The following ABL1 variants were observed in gnomAD, a reference collection of about 807,000 sequenced individuals.
The protein encoded by ABL1 is ABL proto-oncogene 1, non-receptor tyrosine kinase.
ABL1 carries 11 observed loss-of-function variants against 94.7 expected under a neutral mutation model. The observed-to-expected ratio is 0.12, with a 90% CI of 0.07 to 0.19. The LOEUF is 0.19. Ranked by LOEUF, ABL1 falls within the 10% of genes least tolerant of loss-of-function variation. The pLI is 1.00. For missense variants in ABL1, 1,082 were observed against 1,489.4 expected (o/e 0.73, Z 4.50); for synonymous variants, 656 against 622.4 (o/e 1.05, Z -0.80).
chr9:130,773,211 C>T (rs1391693536), intron 1 of ABL1, among the ~76,000 whole-genome samples: 1 of 151,992 alleles, frequency 6.6e-6, no homozygotes, highest in Admixed American at 6.6e-5. Context: ...TCCTGCTACT[C>T]GGGAGGCTGA....
chr9:130,821,416 T>TC (rs1447871005), intron 1 of ABL1, among the ~76,000 whole-genome samples: 1 of 152,208 alleles, frequency 6.6e-6, no homozygotes, highest in Non-Finnish European at 1.5e-5. Context: ...CTGTTTTTTT[T>TC]CCCAGCATGT....
Position 130,885,895 on chromosome 9 carries a change from C to T in ABL1, c.*212C>T, listed in dbSNP as rs1831574132. The T allele has an allele frequency of 1.6e-6, 1 of 617,302 alleles. No homozygotes were observed. Among genetic ancestry groups the T allele is most frequent in the Non-Finnish European group, 2.7e-6 (1 of 367,410 alleles). The allele number at this position is 617,302 out of a possible 1,614,324, so 38.2% of individuals were successfully genotyped here. The stretch of plus-strand genomic sequence containing the variant: ...TCCCGCACCTTCCTCCTCCCCGCTC[C>T]GTCTCTGTCCTCGAATTTTATCTGT... On this transcript the variant is annotated 3_prime_UTR_variant, in exon 11 of 11. Transcript: ENST00000318560.
intron 1 of ABL1, among the ~76,000 whole-genome samples, chr9:130,783,323 C>T (rs927229589): frequency 3.3e-5 from 5 of 152,134 alleles, no homozygotes; most frequent in Non-Finnish European, 7.3e-5. Context: ...GAGATGGAGG[C>T]TGTGATTGTT....
chr9:130,871,869 A>G (rs1199198829), intron 4 of ABL1, among the ~76,000 whole-genome samples: 1 of 152,246 alleles, frequency 6.6e-6, no homozygotes, highest in East Asian at 1.9e-4. Context: ...CACCAGAAGC[A>G]GGTTGTCGGC....
At chr9:130,735,741 A>G (rs989407277) in intron 1 of ABL1, among the ~76,000 whole-genome samples, 2 of 151,548 alleles carry the variant, frequency 1.3e-5, no homozygotes. Context: ...GTCTTTAGAT[A>G]TGATAAACAG....
At chr9:130,736,559 C>T (rs867488341) in intron 1 of ABL1, among the ~76,000 whole-genome samples, 3 of 151,238 alleles carry the variant, frequency 2.0e-5, no homozygotes, top group Non-Finnish European at 4.4e-5. Flanking sequence ...AGTGTGATCT[C>T]GGCCCCACCG....
chr9:130,837,703 G>A (rs1265348213), intron 1 of ABL1, among the ~76,000 whole-genome samples: 1 of 152,132 alleles, frequency 6.6e-6, no homozygotes, highest in Non-Finnish European at 1.5e-5. Context: ...TTTGTAGTTG[G>A]TAGACTTTAA....
At position 130,886,668 on chromosome 9, in the gene ABL1, C is replaced by T; in HGVS notation, c.*985C>T. ...TCTGGGTGCCCTGAAAGGGCCCTTC[C>T]CCTCCCCCACTCCTCTAAGACAAAG... is the stretch of plus-strand genomic sequence containing the variant. On this transcript the variant is annotated 3_prime_UTR_variant, in exon 11 of 11. Transcript: ENST00000318560. 1 of 233,728 alleles carries T rather than the reference C, an allele frequency of 4.3e-6. No individual in the cohort carries two copies. The highest frequency in any genetic ancestry group is 1.8e-4 in the South Asian group (1 of 5,532). The allele number at this position is 233,728 out of a possible 1,614,324, so 14.5% of individuals were successfully genotyped here. A position where few individuals can be genotyped will look rare whatever the true frequency, so the allele number is the denominator to read the frequency against.
chr9:130,720,828 G>A (rs1039833760), intron 1 of ABL1, among the ~76,000 whole-genome samples: 1 of 152,000 alleles, frequency 6.6e-6, no homozygotes, highest in Non-Finnish European at 1.5e-5. Flanking sequence ...ATTTGCTCTC[G>A]GATTAGATGT....
rs976848009 is a variant in ABL1, at chr9:130,877,560, A to C, written c.1271-855A>C. Among the ~76,000 whole-genome samples, 4 of 147,496 alleles carry C rather than the reference A, an allele frequency of 2.7e-5. 1 individual carries two copies. In the East Asian group the frequency reaches 7.7e-4, roughly 28 times the overall value. On this transcript the variant is annotated intron_variant, in intron 7 of 10. Transcript: ENST00000318560. ...GGTCACATTACCTAAAAGACCCCAC[A>C]GGGTCTGAAACTCATCATCTGCCCT...
chr9:130,827,909 A>ATAAAT, intron 1 of ABL1, among the ~76,000 whole-genome samples: 1 of 146,122 alleles, frequency 6.8e-6, no homozygotes. Context: ...TAATAAATAA[A>ATAAAT]TAAATAAATA....
At chr9:130,713,684 G>C (rs905915780) in exon 1 of ABL1, among the ~76,000 whole-genome samples, 3 of 152,242 alleles carry the variant, frequency 2.0e-5, no homozygotes, top group African/African-American at 4.8e-5. Context: ...CAAAGGAAAA[G>C]TCTGGATTGG....
intron 1 of ABL1, among the ~76,000 whole-genome samples, chr9:130,744,798 A>G (rs1831864978): frequency 6.8e-6 from 1 of 147,336 alleles, no homozygotes. Context: ...CGGAGCTTGC[A>G]GTGAGCCAAG....
chr9:130,751,640 A>G (rs1420199556), intron 1 of ABL1, among the ~76,000 whole-genome samples: 2 of 151,480 alleles, frequency 1.3e-5, no homozygotes, highest in African/African-American at 2.4e-5. Context: ...ATCTGCCACA[A>G]TCAAAGCCTT....
intron 1 of ABL1, among the ~76,000 whole-genome samples, chr9:130,778,852 A>G (rs928135395): frequency 6.6e-6 from 1 of 151,964 alleles, no homozygotes; most frequent in Non-Finnish European, 1.5e-5. Flanking sequence ...TTCCTGTGAT[A>G]TTATGGATTC....
At chr9:130,749,905 G>C (rs1022344106) in intron 1 of ABL1, among the ~76,000 whole-genome samples, 1 of 152,086 alleles carries the variant, frequency 6.6e-6, no homozygotes, top group African/African-American at 2.4e-5. Context: ...CGGGCACAGT[G>C]GCTCACACCT....
At position 130,739,204 on chromosome 9, in the gene ABL1, CT is replaced by C. The variant is rs1831784002; in HGVS notation, c.136+24754del. On this transcript the variant is annotated intron_variant, in intron 1 of 10. Transcript: ENST00000372348. ...ACACTGTGCCTGGCCCGATATGTGTCTTTTTAGGCAAGCAGTGCTTATGTTG... is the reference window on the plus strand; with the variant it reads ...ACACTGTGCCTGGCCCGATATGTGTCTTTTAGGCAAGCAGTGCTTATGTTG... Among the ~76,000 whole-genome samples the C allele has an allele frequency of 3.3e-5, 5 of 152,214 alleles. No homozygotes were observed. The South Asian group carries it at 1.0e-3, about 32-fold the overall frequency.
At chr9:130,737,879 G>A (rs894805561) in intron 1 of ABL1, among the ~76,000 whole-genome samples, 8 of 148,550 alleles carry the variant, frequency 5.4e-5, no homozygotes, top group South Asian at 2.1e-4. Context: ...TGTCTAGGCC[G>A]GAGTGCAGTG....
rs550824158 is a variant in ABL1 at position 130,777,318 on chromosome 9, A to G, written c.136+62863A>G. ...CCTATATATGTGGATGGGGTTGTCC[A>G]TTGGCTGGTTTCAGTATTGGACTAA... On this transcript the variant is annotated intron_variant, in intron 1 of 10. Transcript: ENST00000372348. 2.0e-5 allele frequency among the ~76,000 whole-genome samples: 3 copies of G among 152,372 alleles called. No homozygotes were observed. In the East Asian group the frequency reaches 5.8e-4, roughly 29 times the overall value.
Sources: gnomAD v4.1 joint callset for allele counts (sites outside exome capture counted in the v4.1 genomes callset) on GRCh38, gnomAD v4.1.1 for gene constraint, MANE v1.5 for transcripts, NCBI Gene and HGNC (gene_info 2026-07-23, HGNC 2026-07-21) for gene names.